CSRP1: variants seen among roughly 807,000 people sequenced by gnomAD.
CSRP1 encodes cysteine and glycine rich protein 1.
CSRP1 carries 16 observed loss-of-function variants against 25.4 expected under a neutral mutation model. That is an observed-to-expected ratio of 0.63 (90% CI 0.43 to 0.96). The LOEUF (loss-of-function observed/expected upper bound fraction) is 0.96. Among genes scored for constraint, CSRP1 ranks in the 40% least tolerant of loss-of-function variants. The probability of loss-of-function intolerance (pLI) is 0.00; values close to 1 mark genes in which losing one functional copy is unlikely to be tolerated. For synonymous variants in CSRP1, 97 were observed against 95.3 expected (o/e 1.02, Z -0.10); for missense variants, 212 against 243.6 (o/e 0.87, Z 0.86).
chr1:201,496,670 AAG>A (rs1381168706), intron 1 of CSRP1: 1 of 235,202 alleles, frequency 4.3e-6, no homozygotes, highest in African/African-American at 2.2e-5. Flanking sequence ...ACGGATCTCA[AAG>A]AGAATGTGGA....
chr1:201,490,237 C>G lies in CSRP1; in HGVS notation c.220G>C (p.Gly74Arg), dbSNP rs747584690. 6 of 1,614,052 alleles carry G rather than the reference C, an allele frequency of 3.7e-6. No individual in the cohort carries two copies. In the African/African-American group the frequency reaches 5.3e-5, roughly 14 times the overall value. ...GTGCTGAGGGTGCCTGCGCCCTGCC[C>G]GTAGCCATAGCCTTTGGGCCCATAC... The part of the protein sequence containing the change: ...KKYGPKGYGY[G>R]QGAGTLSTDK... The change falls in exon 3 of 6, where the codon GGG (glycine) becomes CGG (arginine). Residue 74 changes from glycine (G) to arginine (R), a missense_variant. Transcript: ENST00000340006.
In CSRP1 at chr1:201,484,001, C is replaced by T; in HGVS notation, c.*712G>A. 1.4e-6 allele frequency: 1 copy of T among 696,670 alleles called. No homozygotes were observed. The highest frequency in any genetic ancestry group is 2.6e-6 in the Non-Finnish European group (1 of 380,214). 43.2% of individuals were successfully genotyped at this position (696,670 alleles called of 1,614,324 possible). A position where few individuals can be genotyped will look rare whatever the true frequency, so the allele number is the denominator to read the frequency against. On this transcript the variant is annotated 3_prime_UTR_variant, in exon 6 of 6. Transcript: ENST00000340006. The stretch of plus-strand genomic sequence containing the variant: ...TTTCAGGTATTTCATTAGGATCCTC[C>T]CATCAAGCAGGGAACTAGATGTTTG...
rs746890457 is a variant in CSRP1, at chr1:201,496,228, C to T, written c.76G>A (p.Glu26Lys). ...CAGGATTTATGGAAGCTGTTGCCTT[C>T]GCACTGAACCTCTTCGGCAAAGTAA... Reference protein sequence around the residue: ...TVYFAEEVQCEGNSFHKSCFL... With the variant: ...TVYFAEEVQCKGNSFHKSCFL... Residue 26 changes from glutamate to lysine, a missense_variant, in exon 2 of 6, where the codon GAA becomes AAA. By Grantham distance (56) the Glu-to-Lys change is moderately conservative (BLOSUM62 1). Transcript: ENST00000340006. 8.1e-6 allele frequency: 13 copies of T among 1,614,196 alleles called. No homozygotes were observed. The highest frequency in any genetic ancestry group is 1.7e-5 in the Admixed American group (1 of 60,032).
chr1:201,485,579 T>C (rs1286752901), intron 4 of CSRP1: 2 of 575,784 alleles, frequency 3.5e-6, no homozygotes, highest in Non-Finnish European at 6.3e-6. Context: ...CCTCGCACCA[T>C]CTTCCATGCT....
chr1:201,488,317 TAAACAGTGTGAAA>T (rs911889070), intron 4 of CSRP1: 1 of 152,366 alleles, frequency 6.6e-6, no homozygotes, highest in Non-Finnish European at 1.5e-5. Context: ...GCGGCAATTC[TAAACAGTGTGAAA>T]AAAGCCTCCT....
intron 4 of CSRP1, chr1:201,487,013 T>C: frequency 7.7e-7 from 1 of 1,296,826 alleles, no homozygotes; most frequent in Non-Finnish European, 1.0e-6. Flanking sequence ...CTCAAAATAA[T>C]CCCTGAAAAT....
chr1:201,495,515 G>A (rs1664482410), intron 2 of CSRP1: 1 of 152,280 alleles, frequency 6.6e-6, no homozygotes, highest in African/African-American at 2.4e-5. Flanking sequence ...AACATCACCT[G>A]GCCCAGGTAC....
At chr1:201,491,679 AT>A (rs1248272973) in intron 2 of CSRP1, 3 of 152,210 alleles carry the variant, frequency 2.0e-5, no homozygotes, top group African/African-American at 4.8e-5. Context: ...ATTCAACTGC[AT>A]TCTTTTTCTT....
rs1231421538 is a variant in CSRP1 at position 201,484,759 on chromosome 1, C to A, written c.536G>T (p.Gly179Val). ...CCCAGCTCCTTGCCCAAAACCAAAG[C>A]CCTTGGGCCCGAAGTTTTTAGCATA... is the stretch of plus-strand genomic sequence containing the variant. ...GCYAKNFGPK[G>V]FGFGQGAGAL... The change falls in exon 6 of 6, where the codon GGC (glycine) becomes GTC (valine). Residue 179 changes from glycine (G) to valine (V), a missense_variant. Transcript: ENST00000340006. 1.2e-6 allele frequency: 2 copies of A among 1,612,146 alleles called. No individual in the cohort carries two copies. The highest frequency in any genetic ancestry group is 3.3e-5 in the Admixed American group (2 of 59,910).
intron 2 of CSRP1, chr1:201,490,921 T>C (rs1010924472): frequency 2.0e-5 from 3 of 152,372 alleles, no homozygotes; most frequent in African/African-American, 7.2e-5. Context: ...GGGATGCAGC[T>C]CATGCTAATC....
At chr1:201,489,109 C>A in intron 3 of CSRP1, 125 bp from the exon 4 acceptor site, 1 of 1,301,488 alleles carries the variant, frequency 7.7e-7, no homozygotes, top group Non-Finnish European at 1.1e-6. Context: ...CTGCCAAAGT[C>A]ACAAAGGCTA....
At chr1:201,497,461 C>T (rs1222469141) in intron 1 of CSRP1, among the ~76,000 whole-genome samples, 1 of 151,672 alleles carries the variant, frequency 6.6e-6, no homozygotes, top group Non-Finnish European at 1.5e-5. Context: ...AGTAACACCA[C>T]CCCACATCTA....
At chr1:201,486,435 G>T in intron 4 of CSRP1, 2 of 985,592 alleles carry the variant, frequency 2.0e-6, no homozygotes, top group African/African-American at 3.5e-5. Flanking sequence ...GCCCAGGCTG[G>T]TGGATGAGAA....
chr1:201,483,984 A>G lies in CSRP1; in HGVS notation c.*729T>C, dbSNP rs1664051272. On this transcript the variant is annotated 3_prime_UTR_variant, in exon 6 of 6. Coordinates refer to ENST00000340006, the MANE Select transcript of CSRP1 (RefSeq NM_004078.3). ...ATAAATGCCAATATATGTTTCAGGT[A>G]TTTCATTAGGATCCTCCCATCAAGC... 1.4e-6 allele frequency: 1 copy of G among 693,478 alleles called. No individual in the cohort carries two copies. The highest frequency in any genetic ancestry group is 2.6e-6 in the Non-Finnish European group (1 of 377,580). 43.0% of individuals were successfully genotyped at this position (693,478 alleles called of 1,614,324 possible).
chr1:201,486,551 A>G, intron 4 of CSRP1: 1 of 988,882 alleles, frequency 1.0e-6, no homozygotes, highest in African/African-American at 1.7e-5. Flanking sequence ...TGCTGGTGCA[A>G]CCTCAATAGT....
intron 1 of CSRP1, among the ~76,000 whole-genome samples, chr1:201,505,022 C>G (rs1191742676): frequency 6.6e-6 from 1 of 152,174 alleles, no homozygotes; most frequent in Non-Finnish European, 1.5e-5. Context: ...ATCGCTTGAA[C>G]CCAGGAGGCA....
At chr1:201,486,188 C>T (rs1012155762) in intron 4 of CSRP1, 1 of 198,282 alleles carries the variant, frequency 5.0e-6, no homozygotes, top group Non-Finnish European at 9.1e-6. Flanking sequence ...ATCTAGTCCT[C>T]ACATGCATTC....
rs765977831 is a variant in CSRP1, at chr1:201,484,835, C to T, written c.506-46G>A. On this transcript the variant is annotated intron_variant, in intron 5 of 5. Coordinates refer to ENST00000340006, the MANE Select transcript of CSRP1 (RefSeq NM_004078.3). ...TAAGGGCATGTTCTTCCTCCACCCCCAGCCACACCACCCACCCTCCTGCTG... is the reference window on the plus strand; with the variant it reads ...TAAGGGCATGTTCTTCCTCCACCCCTAGCCACACCACCCACCCTCCTGCTG... 2.0e-6 allele frequency: 3 copies of T among 1,525,068 alleles called. No homozygotes were observed. The Admixed American group carries it at 5.6e-5, about 28-fold the overall frequency. 94.5% of individuals were successfully genotyped at this position (1,525,068 alleles called of 1,614,324 possible).
At chr1:201,498,751 A>C (rs1451925788) in intron 1 of CSRP1, among the ~76,000 whole-genome samples, 1 of 152,208 alleles carries the variant, frequency 6.6e-6, no homozygotes, top group East Asian at 1.9e-4. Flanking sequence ...GGATGCACTA[A>C]TATCGAAAGC....
Sources: gnomAD v4.1 joint callset for allele counts (sites outside exome capture counted in the v4.1 genomes callset) on GRCh38, gnomAD v4.1.1 for gene constraint, MANE v1.5 for transcripts, NCBI Gene and HGNC (gene_info 2026-07-23, HGNC 2026-07-21) for gene names.